NCALD: variants seen among roughly 807,000 people sequenced by gnomAD.
The protein encoded by NCALD is neurocalcin delta.
Under a neutral mutation model 18.6 loss-of-function variants are expected in NCALD, and 10 were observed. That is an observed-to-expected ratio of 0.54 (90% confidence interval 0.33 to 0.91). The LOEUF (loss-of-function observed/expected upper bound fraction) is 0.91, where lower values mean the gene tolerates loss of function less well. Among genes scored for constraint, NCALD ranks in the 40% least tolerant of loss-of-function variants. NCALD has a pLI of 0.03. For synonymous variants in NCALD, 88 were observed against 87.4 expected (o/e 1.01, Z -0.04); for missense variants, 184 against 247.6 (o/e 0.74, Z 1.72).
intron 2 of NCALD, among the ~76,000 whole-genome samples, chr8:101,987,688 G>C (rs906920208): frequency 2.0e-5 from 3 of 152,082 alleles, no homozygotes; most frequent in Non-Finnish European, 4.4e-5. Context: ...CATTTTACTA[G>C]ATGGATATTC....
chr8:101,801,731 A>G (rs570738887), intron 4 of NCALD, among the ~76,000 whole-genome samples: 12 of 126,116 alleles, frequency 9.5e-5, no homozygotes, highest in Non-Finnish European at 1.9e-4. Flanking sequence ...CAGTGGCACT[A>G]TCTCGGCTCA....
intron 1 of NCALD, among the ~76,000 whole-genome samples, chr8:102,104,891 A>G (rs926009850): frequency 6.6e-6 from 1 of 152,232 alleles, no homozygotes; most frequent in Non-Finnish European, 1.5e-5. Context: ...GCATGAAACC[A>G]ATTCAGGGCA....
intron 1 of NCALD, among the ~76,000 whole-genome samples, chr8:101,743,672 T>A (rs898978778): frequency 4.6e-5 from 7 of 152,204 alleles, no homozygotes; most frequent in Non-Finnish European, 1.0e-4. Context: ...ATTCTGAGGC[T>A]GTTTTCATTA....
intron 4 of NCALD, among the ~76,000 whole-genome samples, chr8:101,837,733 C>G (rs1261918311): frequency 6.6e-6 from 1 of 152,184 alleles, no homozygotes; most frequent in Non-Finnish European, 1.5e-5. Flanking sequence ...TTACTATGGA[C>G]CTTTATTAAA....
At chr8:101,884,859 C>T (rs535606399) in intron 4 of NCALD, among the ~76,000 whole-genome samples, 109 of 152,292 alleles carry the variant, frequency 7.2e-4, no homozygotes, top group Non-Finnish European at 1.2e-3. Flanking sequence ...TAATTATCCT[C>T]TGAATATTTG....
chr8:101,890,648 G>T (rs1185754813), intron 3 of NCALD, among the ~76,000 whole-genome samples: 1 of 152,132 alleles, frequency 6.6e-6, no homozygotes, highest in African/African-American at 2.4e-5. Context: ...CTCCTGAGAA[G>T]GCAACACTCT....
chr8:101,836,183 C>T (rs530715829), intron 4 of NCALD, among the ~76,000 whole-genome samples: 2 of 152,134 alleles, frequency 1.3e-5, no homozygotes, highest in Non-Finnish European at 2.9e-5. Context: ...GTGGATTTAG[C>T]CCATTTCTCT....
At chr8:101,892,490 G>A (rs1464005457) in intron 3 of NCALD, among the ~76,000 whole-genome samples, 3 of 149,514 alleles carry the variant, frequency 2.0e-5, no homozygotes, top group Admixed American at 6.6e-5. Context: ...TTCCTCACCA[G>A]CAACGGAACA....
chr8:102,006,575 A>G (rs758511162), intron 2 of NCALD, among the ~76,000 whole-genome samples: 1 of 152,110 alleles, frequency 6.6e-6, no homozygotes, highest in Non-Finnish European at 1.5e-5. Flanking sequence ...AGTTCCTCTA[A>G]CAGGAGGCAC....
At chr8:101,864,152 G>A (rs535802869) in intron 4 of NCALD, among the ~76,000 whole-genome samples, 7 of 152,136 alleles carry the variant, frequency 4.6e-5, no homozygotes, top group African/African-American at 7.2e-5. Flanking sequence ...CAATCTATAA[G>A]ACACTTAAAG....
intron 1 of NCALD, among the ~76,000 whole-genome samples, chr8:102,045,772 T>C (rs569240408): frequency 2.4e-4 from 37 of 152,376 alleles, no homozygotes; most frequent in Admixed American, 7.2e-4. Context: ...CCATTCTATT[T>C]CACTTCATTT....
At chr8:101,819,963 C>A (rs1813654548) in intron 4 of NCALD, among the ~76,000 whole-genome samples, 1 of 152,164 alleles carries the variant, frequency 6.6e-6, no homozygotes, top group African/African-American at 2.4e-5. Context: ...AGCCACTCTT[C>A]CTTTCAGTGT....
At chr8:101,989,741 C>CT (rs1820970021) in intron 2 of NCALD, among the ~76,000 whole-genome samples, 2 of 152,166 alleles carry the variant, frequency 1.3e-5, no homozygotes, top group South Asian at 4.1e-4. Flanking sequence ...GAATAAGTGA[C>CT]TTATGGACTA....
intron 1 of NCALD, among the ~76,000 whole-genome samples, chr8:102,111,284 G>C (rs538361111): frequency 6.6e-6 from 1 of 152,262 alleles, no homozygotes; most frequent in South Asian, 2.1e-4. Flanking sequence ...TTGTCCTTTG[G>C]CCTGGCATGG....
chr8:102,035,483 G>A (rs1822830989), intron 1 of NCALD, among the ~76,000 whole-genome samples: 1 of 152,120 alleles, frequency 6.6e-6, no homozygotes, highest in South Asian at 2.1e-4. Flanking sequence ...ATCAACTTCT[G>A]TTGAGATCCA....
In NCALD at chr8:101,713,079, C is replaced by T. The variant is rs147094048; in HGVS notation, c.378+6173G>A. On this transcript the variant is annotated intron_variant, in intron 2 of 3. Transcript: ENST00000220931. ...GAATGGAAATCATAACAAACAGTCT[C>T]TCAGACCATAATGCAATCAACTTAG... Among the ~76,000 whole-genome samples the T allele has an allele frequency of 2.5e-3, 377 of 151,876 alleles. 2 individuals carry two copies. The highest frequency in any genetic ancestry group is 8.9e-3 in the African/African-American group (365 of 41,172).
At chr8:102,000,867 C>T (rs1380671514) in intron 2 of NCALD, among the ~76,000 whole-genome samples, 1 of 152,130 alleles carries the variant, frequency 6.6e-6, no homozygotes, top group African/African-American at 2.4e-5. Context: ...ACACCAAAAC[C>T]CCATCTGTAC....
intron 4 of NCALD, among the ~76,000 whole-genome samples, chr8:101,821,734 C>T (rs915818595): frequency 2.0e-5 from 3 of 151,996 alleles, no homozygotes; most frequent in Non-Finnish European, 4.4e-5. Context: ...AAGCAAAGTC[C>T]TCTGCAAATT....
intron 3 of NCALD, among the ~76,000 whole-genome samples, chr8:101,910,331 G>C (rs1008257019): frequency 7.2e-6 from 1 of 139,040 alleles, no homozygotes; most frequent in African/African-American, 3.0e-5. Context: ...CATGAGAGGA[G>C]GAGGTATGAG....
Sources: allele counts gnomAD v4.1 joint callset (sites outside exome capture counted in the v4.1 genomes callset), GRCh38; gene constraint gnomAD v4.1.1; transcripts MANE v1.5; gene names NCBI Gene and HGNC (gene_info 2026-07-23, HGNC 2026-07-21).